Variants in ALPK2 observed in about 807,000 individuals in gnomAD.
ALPK2 encodes alpha kinase 2.
ALPK2 carries 127 observed loss-of-function variants against 163.1 expected under a neutral mutation model. The observed-to-expected ratio is 0.78, with a 90% CI of 0.67 to 0.90. ALPK2 has a LOEUF of 0.90. Ranked by LOEUF, ALPK2 falls within the 40% of genes least tolerant of loss-of-function variation. The probability of loss-of-function intolerance (pLI) is 0.00; values close to 1 mark genes in which losing one functional copy is unlikely to be tolerated. For synonymous variants in ALPK2, 953 were observed against 959.1 expected (o/e 0.99, Z 0.12); for missense variants, 2,360 against 2,589.6 (o/e 0.91, Z 1.92).
At chr18:58,590,910 C>T (rs185272854) in intron 3 of ALPK2, among the ~76,000 whole-genome samples, 1 of 152,322 alleles carries the variant, frequency 6.6e-6, no homozygotes, top group African/African-American at 2.4e-5. Context: ...TCTCTATCAC[C>T]AGGGCTGACC....
In ALPK2 at chr18:58,579,880, A is replaced by G; in HGVS notation, c.896T>C (p.Leu299Pro). Residue 299 changes from leucine (L) to proline (P), a missense_variant, in exon 4 of 13, where the codon CTT becomes CCT. Physicochemically the swap from Leu to Pro is moderately conservative, Grantham distance 98. Transcript: ENST00000361673. ...GTCACTGTCAGAGTCTTCACTGGAA[A>G]GCTGTGGGCTGGGTTGTTTGTTGGC... is the stretch of plus-strand genomic sequence containing the variant. ...AVANKQPSPQ[L>P]SSEDSDSDYE... is the part of the protein sequence containing the mutation. 6.2e-7 allele frequency: 1 copy of G among 1,614,152 alleles called. No homozygotes were observed.
chr18:58,497,964 G>T, intron 12 of ALPK2, 85 bp downstream of exon 12: 2 of 1,214,812 alleles, frequency 1.6e-6, no homozygotes, highest in South Asian at 1.2e-5. Context: ...AATTCACTTT[G>T]CCCACCTCAG....
At chr18:58,595,292 G>A (rs772999458) in intron 3 of ALPK2, among the ~76,000 whole-genome samples, 11 of 152,072 alleles carry the variant, frequency 7.2e-5, no homozygotes, top group Non-Finnish European at 1.2e-4. Context: ...CTCCTCTTGC[G>A]ATCCCTTTCC....
intron 1 of ALPK2, among the ~76,000 whole-genome samples, chr18:58,621,844 T>G (rs763802954): frequency 5.3e-5 from 8 of 152,176 alleles, no homozygotes; most frequent in Non-Finnish European, 1.0e-4. Context: ...AGCACCTCCA[T>G]GTGCCCAACA....
At position 58,579,468 on chromosome 18, in the gene ALPK2, G is replaced by T. The variant is rs141706043; in HGVS notation, c.1308C>A (p.His436Gln). 9 of 1,613,914 alleles carry T rather than the reference G, an allele frequency of 5.6e-6. No individual in the cohort carries two copies. Among genetic ancestry groups the T allele is most frequent in the Middle Eastern group, 3.3e-4 (2 of 6,080 alleles). Residue 436 changes from histidine to glutamine, a missense_variant, in exon 4 of 13, where the codon CAC becomes CAA. Physicochemically the swap from His to Gln is conservative, Grantham distance 24. Transcript: ENST00000361673. ...QTGMTLILGP[H>Q]QDGTSSVTEQ... ...CTGTCACTGAAGACGTTCCATCCTG[G>T]TGAGGTCCCAAAATGAGAGTCATCC...
rs758855904 is a variant in ALPK2, at chr18:58,578,742, A to ACGCGCGCACGCGCGCGCG, written c.1962+71_1962+72insCGCGCGCGCGTGCGCGCG. 1.5e-3 allele frequency: 1,789 copies of ACGCGCGCACGCGCGCGCG among 1,231,558 alleles called. 17 individuals carry two copies. The highest frequency in any genetic ancestry group is 2.5e-3 in the Admixed American group (108 of 43,524). 76.3% of individuals were successfully genotyped at this position (1,231,558 alleles called of 1,614,324 possible). On this transcript the variant is annotated intron_variant, in intron 4 of 12. Coordinates refer to ENST00000361673, the MANE Select transcript of ALPK2 (RefSeq NM_052947.4). ...GTGAAGTAAAGGAAGAGACACACAC[A>ACGCGCGCACGCGCGCGCG]CACACACACACACACACACACACAC...
chr18:58,546,333 T>C (rs1047804645), intron 4 of ALPK2, among the ~76,000 whole-genome samples: 1 of 152,218 alleles, frequency 6.6e-6, no homozygotes, highest in Non-Finnish European at 1.5e-5. Flanking sequence ...TTTGATCTTT[T>C]GCTGGGAGAG....
chr18:58,594,242 C>T (rs2052030466), intron 3 of ALPK2, among the ~76,000 whole-genome samples: 1 of 152,066 alleles, frequency 6.6e-6, no homozygotes, highest in Non-Finnish European at 1.5e-5. Flanking sequence ...AACGCAGACC[C>T]ACCAGAGATT....
chr18:58,576,698 C>G (rs900455014), intron 4 of ALPK2, among the ~76,000 whole-genome samples: 1 of 152,036 alleles, frequency 6.6e-6, no homozygotes, highest in Non-Finnish European at 1.5e-5. Context: ...AAACTTTTTG[C>G]GTGGGTAAAA....
At chr18:58,517,615 T>C (rs965398726) in intron 8 of ALPK2, among the ~76,000 whole-genome samples, 3 of 149,150 alleles carry the variant, frequency 2.0e-5, no homozygotes, top group African/African-American at 7.3e-5. Flanking sequence ...CACGGAATCT[T>C]TGCTGGAATT....
chr18:58,485,646 A>G (rs139953373), intron 12 of ALPK2, among the ~76,000 whole-genome samples: 2 of 152,350 alleles, frequency 1.3e-5, no homozygotes, highest in Admixed American at 6.5e-5. Context: ...TCATTTTTAC[A>G]TCTCTATCTT....
chr18:58,538,142 G>A lies in ALPK2; in HGVS notation c.2045C>T (p.Pro682Leu). 1.2e-6 allele frequency: 2 copies of A among 1,613,364 alleles called. No homozygotes were observed. Among genetic ancestry groups the A allele is most frequent in the East Asian group, 2.2e-5 (1 of 44,874 alleles). Residue 682 changes from proline (P) to leucine (L), a missense_variant, in exon 5 of 13, where the codon CCA becomes CTA. Pro to Leu is a moderately conservative substitution (Grantham distance 98, BLOSUM62 -3). Transcript: ENST00000361673. ...AFSEPAGEES[P>L]FTGTTTISFS... is the part of the protein sequence containing the mutation. ...GGAAATTGTTGTGGTCCCAGTGAATGGGGACTCCTCCCCAGCAGGCTCTGA... is the reference window on the plus strand; with the variant it reads ...GGAAATTGTTGTGGTCCCAGTGAATAGGGACTCCTCCCCAGCAGGCTCTGA...
In ALPK2 at chr18:58,538,072, A is replaced by C; in HGVS notation, c.2115T>G (p.Ala705=). The change falls in exon 5 of 13, where the codon GCT becomes GCG. Residue 705 remains alanine, a synonymous_variant. Transcript: ENST00000361673. ...GGVHKENASL[A]QHSEVKPCTC... ...TACAGGGTTTGACCTCCGAGTGTTG[A>C]GCTAATGATGCATTTTCCTTGTGGA... 6.2e-7 allele frequency: 1 copy of C among 1,614,110 alleles called. No homozygotes were observed. The highest frequency in any genetic ancestry group is 8.5e-7 in the Non-Finnish European group (1 of 1,180,012).
intron 12 of ALPK2, 58 bp from the exon 13 acceptor site, chr18:58,482,097 TA>T (rs1568061982): frequency 7.3e-7 from 1 of 1,364,436 alleles, no homozygotes; most frequent in Non-Finnish European, 1.0e-6. Context: ...TTCATCAGTT[TA>T]AAAAGAAAAA....
chr18:58,484,259 A>G (rs915441033), intron 12 of ALPK2, among the ~76,000 whole-genome samples: 1 of 152,150 alleles, frequency 6.6e-6, no homozygotes, highest in South Asian at 2.1e-4. Context: ...AAGGGACAGC[A>G]ACTTTCCTCC....
At chr18:58,545,808 CT>C (rs1292283012) in intron 4 of ALPK2, among the ~76,000 whole-genome samples, 1 of 152,118 alleles carries the variant, frequency 6.6e-6, no homozygotes, top group Non-Finnish European at 1.5e-5. Context: ...TCAATTTTCC[CT>C]TGTGGTTCCA....
chr18:58,543,153 G>A (rs2051699369), intron 4 of ALPK2, among the ~76,000 whole-genome samples: 1 of 152,138 alleles, frequency 6.6e-6, no homozygotes, highest in South Asian at 2.1e-4. Flanking sequence ...TAGCCCCCTC[G>A]CCATGTGATG....
intron 8 of ALPK2, among the ~76,000 whole-genome samples, chr18:58,521,627 C>CTTTTTTTTTTTTTTT (rs398033036): frequency 0.035 from 1,909 of 55,322 alleles, 343 homozygotes; most frequent in Non-Finnish European, 0.053. Context: ...TTCTCTCTCT[C>CTTTTTTTTTTTTTTT]TTTTTTTTTT....
At chr18:58,494,526 T>C (rs2051391810) in intron 12 of ALPK2, among the ~76,000 whole-genome samples, 2 of 152,110 alleles carry the variant, frequency 1.3e-5, no homozygotes. Flanking sequence ...ATGACTGGGG[T>C]GTCAGCAGCC....
Sources: gnomAD v4.1 joint callset for allele counts (sites outside exome capture counted in the v4.1 genomes callset) on GRCh38, gnomAD v4.1.1 for gene constraint, MANE v1.5 for transcripts, NCBI Gene and HGNC (gene_info 2026-07-23, HGNC 2026-07-21) for gene names.